SMOC1: variants seen among roughly 807,000 people sequenced by gnomAD.
SMOC1 encodes SPARC related modular calcium binding 1, also known as SPARC-related modular calcium-binding protein 1.
A neutral mutation model predicts 56.3 loss-of-function variants in SMOC1; 22 were observed. That is an observed-to-expected ratio of 0.39 (90% CI 0.28 to 0.56). The LOEUF (loss-of-function observed/expected upper bound fraction) is 0.56. Among genes scored for constraint, SMOC1 ranks in the 20% least tolerant of loss-of-function variants. The probability of loss-of-function intolerance (pLI) is 0.61; values close to 1 mark genes in which losing one functional copy is unlikely to be tolerated. For synonymous variants in SMOC1, 193 were observed against 215.0 expected (o/e 0.90, Z 0.89); for missense variants, 509 against 565.4 (o/e 0.90, Z 1.01).
intron 1 of SMOC1, among the ~76,000 whole-genome samples, chr14:69,933,102 A>G (rs976306344): frequency 6.6e-6 from 1 of 152,146 alleles, no homozygotes; most frequent in Non-Finnish European, 1.5e-5. Context: ...GATCCGTTTC[A>G]CCCATAGCAA....
chr14:70,029,211 G>A lies in SMOC1; in HGVS notation c.1292-1031G>A, dbSNP rs771850119. ...GAGGCCAGGACCTGCTGGAGCAGGC[G>A]TGGCAGTTTCCACAATGGCTCAGCA... On this transcript the variant is annotated intron_variant, in intron 11 of 11. Coordinates refer to ENST00000361956, the MANE Select transcript of SMOC1 (RefSeq NM_001034852.3). Among the ~76,000 whole-genome samples the A allele has an allele frequency of 3.9e-5, 6 of 152,228 alleles. No homozygotes were observed. In the South Asian group the frequency reaches 6.2e-4, roughly 16 times the overall value.
At chr14:69,929,258 C>T (rs1373868608) in intron 1 of SMOC1, among the ~76,000 whole-genome samples, 2 of 152,174 alleles carry the variant, frequency 1.3e-5, no homozygotes, top group Non-Finnish European at 2.9e-5. Context: ...CTCCCCCAAA[C>T]AATTTCAGTC....
intron 5 of SMOC1, among the ~76,000 whole-genome samples, chr14:69,984,978 G>T (rs1408787506): frequency 6.6e-6 from 1 of 151,892 alleles, no homozygotes; most frequent in African/African-American, 2.4e-5. Context: ...GGAGGTGGAG[G>T]TTGCAGCAAG....
chr14:70,006,367 T>G (rs916118387), intron 7 of SMOC1, among the ~76,000 whole-genome samples: 1 of 152,206 alleles, frequency 6.6e-6, no homozygotes, highest in Non-Finnish European at 1.5e-5. Context: ...TTGTTATTCA[T>G]TTTAGAGTTC....
At chr14:69,897,138 GC>G (rs951339991) in intron 1 of SMOC1, among the ~76,000 whole-genome samples, 14 of 152,004 alleles carry the variant, frequency 9.2e-5, no homozygotes, top group East Asian at 7.7e-4. Context: ...GGCTTTTCTG[GC>G]CCCCCCTCCT....
chr14:69,970,360 A>T (rs7161219), intron 3 of SMOC1, among the ~76,000 whole-genome samples: 14,890 of 152,142 alleles, frequency 0.098, 1,724 homozygotes, highest in African/African-American at 0.28. Context: ...TCTGGGCCTC[A>T]GTTTCCTCAT....
intron 1 of SMOC1, among the ~76,000 whole-genome samples, chr14:69,905,573 C>T (rs755894077): frequency 1.3e-5 from 2 of 152,120 alleles, no homozygotes; most frequent in Admixed American, 6.5e-5. Context: ...GGGTGCAAGA[C>T]TCCAGGCTGG....
intron 6 of SMOC1, 95 bp from the exon 7 acceptor site, chr14:69,994,305 C>T: frequency 9.9e-7 from 1 of 1,006,888 alleles, no homozygotes; most frequent in Non-Finnish European, 1.6e-6. Context: ...ATGCCTCAGA[C>T]TTTGAAAAAT....
At chr14:69,974,678 G>A (rs968183764) in intron 3 of SMOC1, among the ~76,000 whole-genome samples, 9 of 152,108 alleles carry the variant, frequency 5.9e-5, no homozygotes, top group African/African-American at 1.4e-4. Context: ...GGGGTGGGGC[G>A]GGAGGTGGTG....
intron 5 of SMOC1, among the ~76,000 whole-genome samples, chr14:69,984,833 G>A (rs183806393): frequency 2.6e-3 from 392 of 151,288 alleles, no homozygotes; most frequent in African/African-American, 8.8e-3. Flanking sequence ...CTCCAGCCTG[G>A]ATGACAGAGC....
intron 1 of SMOC1, among the ~76,000 whole-genome samples, chr14:69,892,024 G>A (rs1883975522): frequency 6.6e-6 from 1 of 152,114 alleles, no homozygotes. Flanking sequence ...AAATACTGAA[G>A]ATATTAATCT....
chr14:69,918,752 A>T (rs1461560192), intron 1 of SMOC1, among the ~76,000 whole-genome samples: 2 of 151,916 alleles, frequency 1.3e-5, no homozygotes, highest in African/African-American at 4.9e-5. Flanking sequence ...ACTTGCCATT[A>T]TTATTATTGT....
intron 3 of SMOC1, among the ~76,000 whole-genome samples, chr14:69,954,991 C>G (rs1883134697): frequency 6.6e-6 from 1 of 152,112 alleles, no homozygotes; most frequent in Non-Finnish European, 1.5e-5. Context: ...CTGGTTGATT[C>G]AAATGGGCAG....
intron 1 of SMOC1, among the ~76,000 whole-genome samples, chr14:69,898,084 AT>A (rs2139319648): frequency 6.6e-6 from 1 of 152,322 alleles, no homozygotes; most frequent in East Asian, 1.9e-4. Context: ...TCCCCTCAAC[AT>A]TTTAAGTATT....
chr14:69,933,581 G>T (rs1885221906), intron 1 of SMOC1, among the ~76,000 whole-genome samples: 1 of 152,184 alleles, frequency 6.6e-6, no homozygotes, highest in South Asian at 2.1e-4. Flanking sequence ...CCAGGCTGGG[G>T]TACAATGGTG....
intron 1 of SMOC1, among the ~76,000 whole-genome samples, chr14:69,924,524 G>A (rs1016866590): frequency 1.3e-4 from 19 of 151,752 alleles, no homozygotes; most frequent in Non-Finnish European, 2.2e-4. Context: ...TATGGCACCC[G>A]GGAATAAAAT....
chr14:69,902,871 C>T (rs555206378), intron 1 of SMOC1, among the ~76,000 whole-genome samples: 90 of 152,340 alleles, frequency 5.9e-4, no homozygotes, highest in African/African-American at 1.4e-3. Context: ...CTGCCAGCCT[C>T]GGCCTCCCAA....
intron 5 of SMOC1, among the ~76,000 whole-genome samples, chr14:69,983,505 G>A (rs1168704424): frequency 1.3e-5 from 2 of 152,208 alleles, no homozygotes; most frequent in Admixed American, 6.5e-5. Context: ...CGGAGCAGCA[G>A]GCTTCTGTAA....
At chr14:69,933,490 A>T (rs1885219053) in intron 1 of SMOC1, among the ~76,000 whole-genome samples, 1 of 152,206 alleles carries the variant, frequency 6.6e-6, no homozygotes, top group Non-Finnish European at 1.5e-5. Flanking sequence ...GTAATACAAA[A>T]TTAGAAAGAA....
Sources: gnomAD v4.1 joint callset for allele counts (sites outside exome capture counted in the v4.1 genomes callset) on GRCh38, gnomAD v4.1.1 for gene constraint, MANE v1.5 for transcripts, NCBI Gene and HGNC (gene_info 2026-07-23, HGNC 2026-07-21) for gene names.